Variants in NRAP observed in about 807,000 individuals in gnomAD.
The protein encoded by NRAP is nebulin-related-anchoring protein.
NRAP carries 189 observed loss-of-function variants against 225.9 expected under a neutral mutation model. The ratio of observed to expected loss-of-function variants is 0.84; its 90% CI spans 0.74 to 0.94. The LOEUF (loss-of-function observed/expected upper bound fraction) is 0.94. Ranked by LOEUF, NRAP falls within the 40% of genes least tolerant of loss-of-function variation. NRAP has a pLI of 0.00. For missense variants in NRAP, 2,176 were observed against 2,168.7 expected (o/e 1.00, Z -0.07); for synonymous variants, 769 against 790.7 (o/e 0.97, Z 0.46).
At chr10:113,592,826 C>T (rs1280352952) in intron 38 of NRAP, among the ~76,000 whole-genome samples, 2 of 152,342 alleles carry the variant, frequency 1.3e-5, no homozygotes, top group African/African-American at 4.8e-5. Context: ...ATATACACCC[C>T]TGGTGCCTGC....
chr10:113,653,536 C>T (rs904240267), intron 5 of NRAP, among the ~76,000 whole-genome samples: 1 of 152,164 alleles, frequency 6.6e-6, no homozygotes, highest in Non-Finnish European at 1.5e-5. Flanking sequence ...TGAGGACTAA[C>T]AGTGTTTTCC....
At chr10:113,652,216 G>C (rs185536485) in intron 6 of NRAP, among the ~76,000 whole-genome samples, 1 of 152,192 alleles carries the variant, frequency 6.6e-6, no homozygotes, top group South Asian at 2.1e-4. Context: ...GAGAAATTAA[G>C]TAATTTGTCC....
chr10:113,604,332 G>T (rs1363319070), intron 35 of NRAP, among the ~76,000 whole-genome samples: 2 of 152,130 alleles, frequency 1.3e-5, no homozygotes, highest in African/African-American at 4.8e-5. Context: ...GGTCAGGCTA[G>T]TCTCAAACTC....
Position 113,647,030 on chromosome 10 carries a change from G to A in NRAP, c.889-3C>T. 1.9e-6 allele frequency: 3 copies of A among 1,607,696 alleles called. No homozygotes were observed. Among genetic ancestry groups the A allele is most frequent in the Non-Finnish European group, 2.6e-6 (3 of 1,174,206 alleles). ...TCCTCATACTCCTCCGGGTAACCCTGCCGGGTGCATCAAAAACTTCAGTGA... is the reference window on the plus strand; with the variant it reads ...TCCTCATACTCCTCCGGGTAACCCTACCGGGTGCATCAAAAACTTCAGTGA... On this transcript the variant is annotated splice_polypyrimidine_tract_variant and splice_region_variant and intron_variant, in intron 9 of 41. Coordinates refer to ENST00000359988, the MANE Select transcript of NRAP (RefSeq NM_198060.4).
In NRAP at chr10:113,629,769, C is replaced by T; in HGVS notation, c.1859G>A (p.Gly620Asp). The T allele has an allele frequency of 6.2e-7, 1 of 1,613,044 alleles. No individual in the cohort carries two copies. The highest frequency in any genetic ancestry group is 8.5e-7 in the Non-Finnish European group (1 of 1,179,008). Residue 620 changes from glycine to aspartate, a missense_variant, in exon 19 of 42, where the codon GGC becomes GAC. Gly to Asp is a moderately conservative substitution (Grantham distance 94). This residue lies in a region of NRAP where 1,708 missense variants were observed against 1,695.5 expected (regional missense o/e 1.01). Coordinates refer to ENST00000359988, the MANE Select transcript of NRAP (RefSeq NM_198060.4). ...KMSSEVEYKK[G>D]FEESKTRFHL... ...AAACCGGGTCTTACTCTCTTCAAAG[C>T]CTTTCTTATATTCAACCTTGAATAT...
chr10:113,615,979 C>T (rs1206979026), intron 26 of NRAP, among the ~76,000 whole-genome samples, 163 bp from the exon 27 acceptor site: 4 of 152,174 alleles, frequency 2.6e-5, no homozygotes, highest in Admixed American at 6.5e-5. Flanking sequence ...AGCACGGTGA[C>T]ACGCATGTCA....
At chr10:113,647,653 TGGTACTGCCTCCCCC>T in intron 9 of NRAP, among the ~76,000 whole-genome samples, 1 of 140,710 alleles carries the variant, frequency 7.1e-6, no homozygotes, top group Non-Finnish European at 1.6e-5. Context: ...CTCCCCCCGG[TGGTACTGCCTCCCCC>T]GGTGGTGCTG....
At chr10:113,636,764 T>C (rs1020695598) in intron 14 of NRAP, among the ~76,000 whole-genome samples, 5 of 152,140 alleles carry the variant, frequency 3.3e-5, no homozygotes, top group Non-Finnish European at 5.9e-5. Context: ...ATCCCAGCAC[T>C]TTGGGAGGCC....
chr10:113,631,039 T>C (rs1191090914), intron 18 of NRAP, among the ~76,000 whole-genome samples: 1 of 152,118 alleles, frequency 6.6e-6, no homozygotes, highest in Non-Finnish European at 1.5e-5. Flanking sequence ...GCATCGTCAT[T>C]CCGATTGGCT....
intron 19 of NRAP, 152 bp downstream of exon 19, chr10:113,629,436 C>G: frequency 1.6e-6 from 1 of 628,610 alleles, no homozygotes. Flanking sequence ...TCTACCTCCC[C>G]ATCTGCCCTT....
In NRAP at chr10:113,608,510, A is replaced by C. The variant is rs759342523; in HGVS notation, c.3606T>G (p.Ser1202Arg). Residue 1202 changes from serine (S) to arginine (R), a missense_variant and splice_region_variant, in exon 32 of 42, where the codon AGT becomes AGG. By Grantham distance (110) the Ser-to-Arg change is moderately radical. Transcript: ENST00000359988. ...ATGAGTGGGGATGCTGCCGATATTT[A>C]CTCTGAATTCACACACAAGAAGGGA... ...RKKASELISE[S>R]KYRQHPHSFK... 1 of 1,603,176 alleles carries C rather than the reference A, an allele frequency of 6.2e-7. No homozygotes were observed. The highest frequency in any genetic ancestry group is 1.1e-5 in the South Asian group (1 of 90,416).
intron 7 of NRAP, 63 bp downstream of exon 7, chr10:113,651,740 A>G: frequency 2.2e-6 from 2 of 908,134 alleles, no homozygotes; most frequent in Non-Finnish European, 3.7e-6. Flanking sequence ...TATTCACAAG[A>G]GCAAAGATGA....
intron 11 of NRAP, among the ~76,000 whole-genome samples, chr10:113,644,433 T>G (rs1344461851): frequency 1.3e-5 from 2 of 152,220 alleles, no homozygotes; most frequent in Non-Finnish European, 2.9e-5. Flanking sequence ...TCTTTGTCAA[T>G]TATTATACTC....
chr10:113,589,208 C>T (rs892320663), intron 41 of NRAP, 129 bp from the exon 42 acceptor site: 1 of 676,722 alleles, frequency 1.5e-6, no homozygotes, highest in South Asian at 2.0e-5. Flanking sequence ...TTCCTTTTCC[C>T]CTCTTCTACC....
chr10:113,633,928 C>T (rs1393605047), intron 15 of NRAP, among the ~76,000 whole-genome samples, 184 bp downstream of exon 15: 1 of 152,140 alleles, frequency 6.6e-6, no homozygotes, highest in Non-Finnish European at 1.5e-5. Flanking sequence ...ATACTCTCTA[C>T]TTTTGCATGT....
intron 9 of NRAP, among the ~76,000 whole-genome samples, chr10:113,647,240 A>T (rs564576309): frequency 1.3e-5 from 2 of 152,154 alleles, no homozygotes; most frequent in Non-Finnish European, 1.5e-5. Flanking sequence ...TCAGCACCAA[A>T]TAATGGCAAC....
intron 7 of NRAP, 43 bp downstream of exon 7, chr10:113,651,760 C>T (rs754399280): frequency 1.7e-6 from 2 of 1,176,476 alleles, no homozygotes; most frequent in Non-Finnish European, 2.6e-6. Context: ...AGGAATCAAC[C>T]CAAATGCCCA....
intron 37 of NRAP, among the ~76,000 whole-genome samples, chr10:113,596,392 C>T (rs183311446): frequency 6.6e-6 from 1 of 152,286 alleles, no homozygotes; most frequent in African/African-American, 2.4e-5. Context: ...TGAGGCTTTA[C>T]AAATATGAAC....
intron 15 of NRAP, 36 bp from the exon 16 acceptor site, chr10:113,633,224 A>T (rs780186733): frequency 8.2e-7 from 1 of 1,224,198 alleles, no homozygotes; most frequent in Non-Finnish European, 1.2e-6. Flanking sequence ...GGGTTTTTAT[A>T]TGGGCAGAAA....
Sources: allele counts gnomAD v4.1 joint callset (sites outside exome capture counted in the v4.1 genomes callset), GRCh38; gene constraint gnomAD v4.1.1; regional missense constraint gnomAD v4.1.1; transcripts MANE v1.5; gene names NCBI Gene and HGNC (gene_info 2026-07-23, HGNC 2026-07-21).